GIPC2: variants seen among roughly 807,000 people sequenced by gnomAD.
GIPC2 encodes the protein PDZ domain-containing protein GIPC2.
In GIPC2, 30 loss-of-function variants were observed where a neutral mutation model predicts 30.6. That is an observed-to-expected ratio of 0.98 (90% CI 0.73 to 1.33). The LOEUF is 1.33. GIPC2 is among the 40% of genes most tolerant of loss of function. GIPC2 has a pLI of 0.00. For synonymous variants in GIPC2, 167 were observed against 150.0 expected, an observed-to-expected ratio of 1.11 and a Z score of -0.83; for missense variants, 414 against 390.3, an observed-to-expected ratio of 1.06 and a Z score of -0.51.
intron 3 of GIPC2, among the ~76,000 whole-genome samples, chr1:78,095,951 G>T (rs1662130123): frequency 6.6e-6 from 1 of 152,090 alleles, no homozygotes; most frequent in Admixed American, 6.5e-5. Context: ...GGCAGTTATT[G>T]GAAATAATGG....
intron 1 of GIPC2, among the ~76,000 whole-genome samples, chr1:78,071,851 C>T (rs913363287): frequency 6.6e-6 from 1 of 152,152 alleles, no homozygotes; most frequent in African/African-American, 2.4e-5. Flanking sequence ...ACACAAATCA[C>T]TTAACATGTC....
intron 2 of GIPC2, among the ~76,000 whole-genome samples, chr1:78,087,521 C>T (rs188286356): frequency 6.6e-6 from 1 of 152,268 alleles, no homozygotes; most frequent in African/African-American, 2.4e-5. Flanking sequence ...ATAAATGATG[C>T]TGGGATAGCC....
intron 1 of GIPC2, among the ~76,000 whole-genome samples, chr1:78,076,797 C>T (rs1466537211): frequency 6.6e-6 from 1 of 152,168 alleles, no homozygotes; most frequent in Admixed American, 6.5e-5. Flanking sequence ...GAGATAGAGT[C>T]TCGCTCTGTC....
At chr1:78,062,010 T>C (rs994907548) in intron 1 of GIPC2, among the ~76,000 whole-genome samples, 2 of 152,202 alleles carry the variant, frequency 1.3e-5, no homozygotes, top group African/African-American at 4.8e-5. Flanking sequence ...GTATTTGCTA[T>C]GTGTATAAAA....
At chr1:78,055,657 G>C (rs1374347608) in intron 1 of GIPC2, among the ~76,000 whole-genome samples, 1 of 152,028 alleles carries the variant, frequency 6.6e-6, no homozygotes, top group East Asian at 1.9e-4. Flanking sequence ...TACTTTCTGT[G>C]CCCTGCCTGT....
intron 3 of GIPC2, among the ~76,000 whole-genome samples, chr1:78,108,586 C>T (rs1304366872): frequency 2.6e-5 from 4 of 152,134 alleles, no homozygotes; most frequent in African/African-American, 9.7e-5. Flanking sequence ...TGGTCTGTCT[C>T]AGCACCCTAC....
rs769916159 is a variant in GIPC2 at position 78,046,118 on chromosome 1, G to T, written c.24G>T (p.Lys8Asn). MPLKLRG[K>N]KKAKSKETAG... is the part of the protein sequence containing the mutation. The stretch of plus-strand genomic sequence containing the variant: ...AGATGCCCCTGAAGCTGCGGGGGAA[G>T]AAGAAGGCCAAGTCCAAGGAGACCG... Residue 8 changes from lysine to asparagine, a missense_variant, in exon 1 of 6, where the codon AAG becomes AAT. Lys to Asn is a moderately conservative substitution (Grantham distance 94, BLOSUM62 0). Transcript: ENST00000370759. 2.7e-6 allele frequency: 4 copies of T among 1,490,028 alleles called. No individual in the cohort carries two copies. Among genetic ancestry groups the T allele is most frequent in the Middle Eastern group, 2.1e-4 (1 of 4,760 alleles). The allele number at this position is 1,490,028 out of a possible 1,614,324, so 92.3% of individuals were successfully genotyped here. A position where few individuals can be genotyped will look rare whatever the true frequency, so the allele number is the denominator to read the frequency against.
intron 3 of GIPC2, among the ~76,000 whole-genome samples, chr1:78,105,662 G>A (rs988370775): frequency 6.6e-6 from 1 of 152,086 alleles, no homozygotes; most frequent in Non-Finnish European, 1.5e-5. Context: ...GTTTTCAACT[G>A]TTTTTAAGCT....
At chr1:78,120,562 C>T (rs915929603) in intron 4 of GIPC2, among the ~76,000 whole-genome samples, 1 of 152,124 alleles carries the variant, frequency 6.6e-6, no homozygotes, top group Non-Finnish European at 1.5e-5. Flanking sequence ...TAAAGACATA[C>T]TTGAGACTGG....
chr1:78,087,027 G>T (rs1356195949), intron 2 of GIPC2, among the ~76,000 whole-genome samples: 1 of 152,090 alleles, frequency 6.6e-6, no homozygotes, highest in African/African-American at 2.4e-5. Flanking sequence ...TTGCTTTATA[G>T]TAACACTGGT....
intron 3 of GIPC2, among the ~76,000 whole-genome samples, chr1:78,096,268 G>A (rs181213993): frequency 1.8e-4 from 28 of 152,236 alleles, no homozygotes; most frequent in Admixed American, 1.5e-3. Context: ...CAGCACTCAG[G>A]TTTCTATCCA....
chr1:78,122,081 C>A (rs983808625), intron 4 of GIPC2, among the ~76,000 whole-genome samples: 3 of 152,132 alleles, frequency 2.0e-5, no homozygotes, highest in African/African-American at 4.8e-5. Flanking sequence ...GCAAAGGTGC[C>A]TGAATGGAAA....
At chr1:78,105,571 C>G (rs1458314607) in intron 3 of GIPC2, among the ~76,000 whole-genome samples, 1 of 152,152 alleles carries the variant, frequency 6.6e-6, no homozygotes, top group Non-Finnish European at 1.5e-5. Flanking sequence ...CAGGCATGAG[C>G]CACCTTGCCC....
chr1:78,073,811 A>G (rs1323118839), intron 1 of GIPC2, among the ~76,000 whole-genome samples: 4 of 152,236 alleles, frequency 2.6e-5, no homozygotes, highest in Admixed American at 6.5e-5. Context: ...CACAAAGCAC[A>G]TTGTGGAGTA....
At chr1:78,106,432 C>A (rs558564706) in intron 3 of GIPC2, among the ~76,000 whole-genome samples, 1 of 151,450 alleles carries the variant, frequency 6.6e-6, no homozygotes, top group South Asian at 2.1e-4. Flanking sequence ...TGGTGGCAGG[C>A]GCCTGTAGTC....
At chr1:78,098,305 G>A (rs1662176826) in intron 3 of GIPC2, among the ~76,000 whole-genome samples, 1 of 152,180 alleles carries the variant, frequency 6.6e-6, no homozygotes, top group African/African-American at 2.4e-5. Context: ...CAGAGAAAGA[G>A]TAAAGTCACA....
At chr1:78,107,500 T>C in intron 3 of GIPC2, among the ~76,000 whole-genome samples, 1 of 152,166 alleles carries the variant, frequency 6.6e-6, no homozygotes, top group Admixed American at 6.5e-5. Context: ...ACAAACACAT[T>C]AACTTTCATA....
At chr1:78,045,915 G>C, upstream of GIPC2, 1 of 1,336,366 alleles carries the variant, frequency 7.5e-7, no homozygotes, top group Non-Finnish European at 9.5e-7. Flanking sequence ...GGGCGGGCGG[G>C]CGGCTGCTCC....
chr1:78,063,656 G>A (rs1297373377), intron 1 of GIPC2, among the ~76,000 whole-genome samples: 4 of 151,944 alleles, frequency 2.6e-5, no homozygotes, highest in Admixed American at 6.6e-5. Context: ...AGGCTGAGGC[G>A]GGCAGATCAC....
Sources: allele counts gnomAD v4.1 joint callset (sites outside exome capture counted in the v4.1 genomes callset), GRCh38; gene constraint gnomAD v4.1.1; transcripts MANE v1.5; gene names NCBI Gene and HGNC (gene_info 2026-07-23, HGNC 2026-07-21).